Variants in CNTN5 observed in about 807,000 individuals in gnomAD.
CNTN5 encodes the protein contactin-5.
In CNTN5, 77 loss-of-function variants were observed where a neutral mutation model predicts 129.1. The ratio of observed to expected loss-of-function variants is 0.60; its 90% CI spans 0.50 to 0.72. The LOEUF is 0.72. Ranked by LOEUF, CNTN5 falls within the 30% of genes least tolerant of loss-of-function variation. The pLI, the probability that CNTN5 is intolerant of heterozygous loss-of-function variation, is 0.00. For synonymous variants in CNTN5, 509 were observed against 465.6 expected (o/e 1.09, Z -1.20); for missense variants, 1,478 against 1,328.8 (o/e 1.11, Z -1.75).
chr11:99,583,472 C>T (rs1333123714), intron 3 of CNTN5, among the ~76,000 whole-genome samples: 2 of 152,210 alleles, frequency 1.3e-5, no homozygotes, highest in African/African-American at 4.8e-5. Flanking sequence ...GTGGGCTCCA[C>T]CCAGTTTGAG....
At chr11:99,909,990 A>G (rs896983769) in intron 6 of CNTN5, among the ~76,000 whole-genome samples, 10 of 152,122 alleles carry the variant, frequency 6.6e-5, no homozygotes, top group African/African-American at 2.2e-4. Flanking sequence ...GTAGCATTAT[A>G]TCATGTGGTG....
At chr11:99,431,567 G>A (rs535758243) in intron 2 of CNTN5, among the ~76,000 whole-genome samples, 19 of 152,234 alleles carry the variant, frequency 1.2e-4, no homozygotes, top group African/African-American at 4.6e-4. Flanking sequence ...TGTCATGTTG[G>A]TTTGGGCATT....
chr11:99,775,673 T>A (rs1375848552), intron 3 of CNTN5, among the ~76,000 whole-genome samples: 1 of 152,054 alleles, frequency 6.6e-6, no homozygotes, highest in Non-Finnish European at 1.5e-5. Context: ...AATCTCTGTA[T>A]CACATGCTCT....
At chr11:99,553,895 T>C (rs1307570789) in intron 2 of CNTN5, among the ~76,000 whole-genome samples, 1 of 151,774 alleles carries the variant, frequency 6.6e-6, no homozygotes, top group African/African-American at 2.4e-5. Flanking sequence ...AGAAATATTA[T>C]GTTGTGTGTA....
At chr11:99,551,445 T>C (rs942560242) in intron 2 of CNTN5, among the ~76,000 whole-genome samples, 1 of 152,184 alleles carries the variant, frequency 6.6e-6, no homozygotes, top group Non-Finnish European at 1.5e-5. Flanking sequence ...ATTTATTAAC[T>C]GGGGCAAATT....
intron 2 of CNTN5, among the ~76,000 whole-genome samples, chr11:99,463,108 A>AAAAAAAATAAAT (rs1554994205): frequency 8.3e-6 from 1 of 121,118 alleles, no homozygotes; most frequent in Non-Finnish European, 1.7e-5. Flanking sequence ...ACTCCATCTC[A>AAAAAAAATAAAT]AAATAAATAA....
chr11:100,125,795 T>A (rs1946164540), intron 13 of CNTN5, among the ~76,000 whole-genome samples: 1 of 152,240 alleles, frequency 6.6e-6, no homozygotes, highest in East Asian at 1.9e-4. Flanking sequence ...TTTTTGGGTC[T>A]CAATATTTCC....
intron 3 of CNTN5, among the ~76,000 whole-genome samples, chr11:99,749,140 T>C (rs1452504589): frequency 6.6e-6 from 1 of 152,168 alleles, no homozygotes; most frequent in Non-Finnish European, 1.5e-5. Context: ...AGTGATACTT[T>C]GGCTTACTGA....
chr11:99,214,052 G>A (rs1017729904), intron 1 of CNTN5, among the ~76,000 whole-genome samples: 1 of 152,084 alleles, frequency 6.6e-6, no homozygotes, highest in Non-Finnish European at 1.5e-5. Context: ...TAGAGCAGAG[G>A]CATGGGCAAT....
chr11:100,229,264 G>A (rs1949443695), intron 16 of CNTN5, among the ~76,000 whole-genome samples: 1 of 152,098 alleles, frequency 6.6e-6, no homozygotes, highest in Admixed American at 6.6e-5. Flanking sequence ...TCGTTGTGTT[G>A]ATGTAATCAC....
intron 1 of CNTN5, among the ~76,000 whole-genome samples, chr11:99,106,155 C>T (rs1442542508): frequency 6.6e-6 from 1 of 151,842 alleles, no homozygotes; most frequent in Non-Finnish European, 1.5e-5. Context: ...ATAGAAAACA[C>T]GAAGGATTTG....
At chr11:99,369,738 T>A (rs1260724686) in intron 2 of CNTN5, among the ~76,000 whole-genome samples, 1 of 152,154 alleles carries the variant, frequency 6.6e-6, no homozygotes, top group Non-Finnish European at 1.5e-5. Context: ...AGGTGGAAGT[T>A]GATTATTTTA....
chr11:99,486,047 C>G (rs115751619), intron 2 of CNTN5, among the ~76,000 whole-genome samples: 31 of 152,122 alleles, frequency 2.0e-4, no homozygotes, highest in African/African-American at 7.2e-4. Flanking sequence ...TGCCTATTTT[C>G]TCTTTCCCAG....
intron 1 of CNTN5, among the ~76,000 whole-genome samples, chr11:99,071,231 G>C (rs1170777284): frequency 6.6e-6 from 1 of 152,048 alleles, no homozygotes; most frequent in Non-Finnish European, 1.5e-5. Flanking sequence ...TTAAAAAGAG[G>C]TGTTTGAATT....
chr11:99,527,990 C>G (rs1014219606), intron 2 of CNTN5, among the ~76,000 whole-genome samples: 1 of 152,048 alleles, frequency 6.6e-6, no homozygotes, highest in Admixed American at 6.6e-5. Context: ...GAAATTTTTA[C>G]AAATAACTGG....
chr11:99,299,419 G>A (rs1313587875), intron 1 of CNTN5, among the ~76,000 whole-genome samples: 2 of 152,040 alleles, frequency 1.3e-5, no homozygotes, highest in Non-Finnish European at 2.9e-5. Context: ...ATTACTGGAA[G>A]GGCTCAAAAC....
At chr11:99,508,936 C>A (rs1946731861) in intron 2 of CNTN5, among the ~76,000 whole-genome samples, 1 of 152,180 alleles carries the variant, frequency 6.6e-6, no homozygotes, top group Admixed American at 6.5e-5. Context: ...CCGCCGCAGC[C>A]TCCCAAAGTG....
intron 1 of CNTN5, among the ~76,000 whole-genome samples, chr11:99,091,144 A>G (rs1866234415): frequency 6.6e-6 from 1 of 151,892 alleles, no homozygotes; most frequent in South Asian, 2.1e-4. Flanking sequence ...ATTTGTGTAT[A>G]TCTGCCTTTC....
At chr11:99,248,284 C>G (rs1008420947) in intron 1 of CNTN5, among the ~76,000 whole-genome samples, 1 of 152,014 alleles carries the variant, frequency 6.6e-6, no homozygotes, top group African/African-American at 2.4e-5. Context: ...CTGTTCATAT[C>G]CTTTGCCCAC....
Sources: gnomAD v4.1 joint callset for allele counts (sites outside exome capture counted in the v4.1 genomes callset) on GRCh38, gnomAD v4.1.1 for gene constraint, MANE v1.5 for transcripts, NCBI Gene and HGNC (gene_info 2026-07-23, HGNC 2026-07-21) for gene names.